The following IKBKB variants were observed in gnomAD, a reference collection of about 807,000 sequenced individuals.
The protein encoded by IKBKB is inhibitor of nuclear factor kappa-B kinase subunit beta.
In IKBKB, 42 loss-of-function variants were observed where a neutral mutation model predicts 113.6. The ratio of observed to expected loss-of-function variants is 0.37; its 90% CI spans 0.29 to 0.48. The LOEUF (loss-of-function observed/expected upper bound fraction) is 0.48. IKBKB is among the 20% of genes least tolerant of loss of function. The pLI, the probability that IKBKB is intolerant of heterozygous loss-of-function variation, is 0.99. For missense variants in IKBKB, 673 were observed against 939.7 expected, an observed-to-expected ratio of 0.72 and a Z score of 3.71; for synonymous variants, 296 against 361.3, an observed-to-expected ratio of 0.82 and a Z score of 2.05.
Position 42,321,945 on chromosome 8 carries a change from G to C in IKBKB, c.1738G>C (p.Asp580His). 1 of 1,613,356 alleles carries C rather than the reference G, an allele frequency of 6.2e-7. No homozygotes were observed. The highest frequency in any genetic ancestry group is 8.5e-7 in the Non-Finnish European group (1 of 1,179,472). The change falls in exon 17 of 22, where the codon GAC becomes CAC. Residue 580 changes from aspartate to histidine, a missense_variant and splice_region_variant. By Grantham distance (81) the Asp-to-His change is moderately conservative. This residue lies in a region of IKBKB where 506 missense variants were observed against 638.7 expected (regional missense o/e 0.79). Coordinates refer to ENST00000520810, the MANE Select transcript of IKBKB (RefSeq NM_001556.3). ...LYRRLREKPRDQRTEGDSQEM... is the reference protein window; with the variant it reads ...LYRRLREKPRHQRTEGDSQEM... Reference sequence around the variant, plus strand: ...CAGGAGACTAAGGGAAAAACCTCGAGGTAAGTGGGGTTCTGTGTCTGCCTT... The same window carrying C: ...CAGGAGACTAAGGGAAAAACCTCGACGTAAGTGGGGTTCTGTGTCTGCCTT...
chr8:42,271,839 T>C, intron 1 of IKBKB: 1 of 553,284 alleles, frequency 1.8e-6, no homozygotes, highest in Non-Finnish European at 3.2e-6. Flanking sequence ...GGGCATCGCC[T>C]CCCTCGGTGA....
chr8:42,304,718 T>C (rs763635694), intron 5 of IKBKB, among the ~76,000 whole-genome samples: 25 of 152,188 alleles, frequency 1.6e-4, no homozygotes, highest in Non-Finnish European at 3.5e-4. Flanking sequence ...CAAGGGCCCT[T>C]CCTCCTTGCC....
intron 5 of IKBKB, among the ~76,000 whole-genome samples, chr8:42,294,112 C>T (rs1342000980): frequency 1.3e-5 from 2 of 152,198 alleles, no homozygotes; most frequent in Admixed American, 6.5e-5. Context: ...GCACCTGGCC[C>T]CAGCCTGGGG....
chr8:42,300,582 A>G (rs1446406660), intron 5 of IKBKB, among the ~76,000 whole-genome samples: 1 of 152,188 alleles, frequency 6.6e-6, no homozygotes, highest in East Asian at 1.9e-4. Context: ...AAAAAAATAC[A>G]TAGGGCTGTG....
intron 15 of IKBKB, 118 bp downstream of exon 15, chr8:42,319,764 C>A: frequency 1.1e-6 from 1 of 886,076 alleles, no homozygotes; most frequent in South Asian, 1.8e-5. Context: ...TGTTCCTCAC[C>A]ATGCTTTGAG....
intron 7 of IKBKB, 58 bp from the exon 8 acceptor site, chr8:42,308,843 C>T (rs2130561876): frequency 7.6e-6 from 12 of 1,572,770 alleles, no homozygotes; most frequent in Non-Finnish European, 1.0e-5. Flanking sequence ...GCCGCCCCCT[C>T]CTGCCGTGGT....
rs528349158 is a variant in IKBKB, at chr8:42,328,975, G to A, written c.2115-149G>A. On this transcript the variant is annotated intron_variant, in intron 20 of 21. Transcript: ENST00000520810. ...AAGATGAATGAAAGTATTAGTCAGT[G>A]GGTTGGTGTTTTAAGACACTCAGGA... The A allele has an allele frequency of 8.8e-6, 5 of 567,930 alleles. No homozygotes were observed. The South Asian group carries it at 1.1e-4, about 12-fold the overall frequency. 35.2% of individuals were successfully genotyped at this position (567,930 alleles called of 1,614,324 possible). A position where few individuals can be genotyped will look rare whatever the true frequency, so the allele number is the denominator to read the frequency against.
intron 7 of IKBKB, 126 bp downstream of exon 7, chr8:42,306,558 G>T: frequency 1.5e-6 from 1 of 684,878 alleles, no homozygotes. Flanking sequence ...GGAGATGCAT[G>T]AGGTCACACC....
intron 5 of IKBKB, among the ~76,000 whole-genome samples, chr8:42,296,226 G>T (rs912573043): frequency 5.9e-5 from 9 of 152,252 alleles, no homozygotes; most frequent in Admixed American, 5.9e-4. Flanking sequence ...GCTGGATGCG[G>T]TGGCTCACGC....
intron 2 of IKBKB, 46 bp downstream of exon 2, chr8:42,272,251 C>A: frequency 6.2e-7 from 1 of 1,613,046 alleles, no homozygotes; most frequent in Non-Finnish European, 8.5e-7. Flanking sequence ...GCCAGGCCCC[C>A]TCCTCACTGC....
At chr8:42,305,651 T>C (rs140405962) in intron 6 of IKBKB, among the ~76,000 whole-genome samples, 24 of 152,360 alleles carry the variant, frequency 1.6e-4, no homozygotes, top group Middle Eastern at 3.4e-3. Flanking sequence ...GTTGTGGATG[T>C]GGCTGGGAAG....
intron 2 of IKBKB, among the ~76,000 whole-genome samples, chr8:42,274,684 C>T (rs1808571786): frequency 1.3e-5 from 2 of 150,958 alleles, no homozygotes; most frequent in Admixed American, 6.6e-5. Context: ...AGGTGCCTGC[C>T]ACCACACCTG....
Position 42,272,203 on chromosome 8 carries a change from C to A in IKBKB, c.103C>A (p.Gln35Lys). 1 of 1,614,156 alleles carries A rather than the reference C, an allele frequency of 6.2e-7. No homozygotes were observed. Among genetic ancestry groups the A allele is most frequent in the South Asian group, 1.1e-5 (1 of 91,082 alleles). ...TGGAAATGTCATCCGATGGCACAAT[C>A]AGGTAGGCCCTCTGTGCAGCTTGGG... is the stretch of plus-strand genomic sequence containing the variant. ...GFGNVIRWHN[Q>K]ETGEQIAIKQ... Residue 35 changes from glutamine to lysine, a missense_variant and splice_region_variant, in exon 2 of 22, where the codon CAG (glutamine) becomes AAG (lysine). This residue lies in a region of IKBKB where 167 missense variants were observed against 301.0 expected (regional missense o/e 0.55). Transcript: ENST00000520810.
chr8:42,272,397 T>C (rs1314975720), intron 2 of IKBKB, 192 bp downstream of exon 2: 1 of 652,012 alleles, frequency 1.5e-6, no homozygotes, highest in East Asian at 2.7e-5. Flanking sequence ...CATGCTTTAT[T>C]GACTATGTCA....
chr8:42,321,797 A>G, intron 16 of IKBKB, 99 bp from the exon 17 acceptor site: 1 of 813,092 alleles, frequency 1.2e-6, no homozygotes, highest in South Asian at 1.8e-5. Context: ...GTTCGAGACC[A>G]GCCTGGGCAA....
Position 42,319,473 on chromosome 8 carries a change from CTCTT to C in IKBKB, c.1516+56_1516+59del, listed in dbSNP as rs758011321. 15 of 1,607,266 alleles carry C rather than the reference CTCTT, an allele frequency of 9.3e-6. No homozygotes were observed. The South Asian group carries it at 1.1e-4, about 12-fold the overall frequency. On this transcript the variant is annotated intron_variant, in intron 14 of 21. Transcript: ENST00000520810. ...AAAGACACCATTTTTTTTTCTTTTT[CTCTT>C]TCTAAGGTTTCTTTTGTCCTATTAT...
intron 2 of IKBKB, among the ~76,000 whole-genome samples, chr8:42,280,514 T>G (rs1375166902): frequency 6.6e-6 from 1 of 152,198 alleles, no homozygotes; most frequent in Non-Finnish European, 1.5e-5. Context: ...CACACAGACC[T>G]GGGTTCAGAT....
chr8:42,306,444 G>A lies in IKBKB; in HGVS notation c.567+12G>A, dbSNP rs781643054. The A allele has an allele frequency of 1.9e-6, 3 of 1,586,418 alleles. No homozygotes were observed. In the Admixed American group the frequency reaches 5.0e-5, roughly 26 times the overall value. On this transcript the variant is annotated intron_variant, in intron 7 of 21. Transcript: ENST00000520810. ...CCCTGCAGTACCTGGTAAGAAGTGG[G>A]CCTTGCCTGTTTGCCTGTCAGCTCC...
chr8:42,303,108 AGAGAGAGAGAATGAGAGAGAGAGAGAGAG>A, intron 5 of IKBKB, among the ~76,000 whole-genome samples: 3 of 151,198 alleles, frequency 2.0e-5, no homozygotes, highest in African/African-American at 7.3e-5. Context: ...AGAGAGAGAG[AGAGAGAGAGAATGAGAGAGAGAGAGAGAG>A]GAGAGAGAAT....
Sources: allele counts gnomAD v4.1 joint callset (sites outside exome capture counted in the v4.1 genomes callset), GRCh38; gene constraint gnomAD v4.1.1; regional missense constraint gnomAD v4.1.1; transcripts MANE v1.5; gene names NCBI Gene and HGNC (gene_info 2026-07-23, HGNC 2026-07-21).